The following RBM28 variants were observed in gnomAD, a reference collection of about 807,000 sequenced individuals.
The protein encoded by RBM28 is RNA-binding protein 28.
Under a neutral mutation model 98.3 loss-of-function variants are expected in RBM28, and 78 were observed. The ratio of observed to expected loss-of-function variants is 0.79; its 90% CI spans 0.66 to 0.96. The LOEUF is 0.96. Among genes scored for constraint, RBM28 ranks in the 40% least tolerant of loss-of-function variants. RBM28 has a pLI of 0.00. For synonymous variants in RBM28, 306 were observed against 330.9 expected (o/e 0.92, Z 0.82); for missense variants, 838 against 913.0 (o/e 0.92, Z 1.06).
chr7:128,341,124 A>G, intron 1 of RBM28: 1 of 1,281,934 alleles, frequency 7.8e-7, no homozygotes, highest in Non-Finnish European at 1.0e-6. Context: ...TTACCTGAAA[A>G]GGACACATAG....
intron 2 of RBM28, 31 bp downstream of exon 2, chr7:128,339,602 G>GA (rs780624406): frequency 6.2e-7 from 1 of 1,608,090 alleles, no homozygotes; most frequent in East Asian, 2.2e-5. Context: ...CACCCTGGGA[G>GA]AAAAACTTCC....
chr7:128,305,716 G>A lies in RBM28; in HGVS notation c.*5081C>T, dbSNP rs1318621846. On this transcript the variant is annotated 3_prime_UTR_variant, in exon 19 of 19. Coordinates refer to ENST00000223073, the MANE Select transcript of RBM28 (RefSeq NM_018077.3). ...GACTGGGAGTCCCTTGGGTAGCGGG[G>A]GACAGGAATGGGATTGGCTTTGGCC... 6.6e-6 allele frequency: 1 copy of A among 152,254 alleles called. No homozygotes were observed. The highest frequency in any genetic ancestry group is 1.5e-5 in the Non-Finnish European group (1 of 68,100). The allele number at this position is 152,254 out of a possible 1,614,324, so 9.4% of individuals were successfully genotyped here. A position where few individuals can be genotyped will look rare whatever the true frequency, so the allele number is the denominator to read the frequency against.
At position 128,333,323 on chromosome 7, in the gene RBM28, G is replaced by A. The variant is rs1447242295; in HGVS notation, c.986C>T (p.Ser329Phe). The change falls in exon 9 of 19, where the codon TCT (serine) becomes TTT (phenylalanine). Residue 329 changes from serine (S) to phenylalanine (F), a missense_variant. Transcript: ENST00000223073. Reference protein sequence around the residue: ...VSNKKKRKLPSDVNEGKTVFI... With the variant: ...VSNKKKRKLPFDVNEGKTVFI... ...AACAGTTTTCCCTTCATTCACATCA[G>A]AGGGTAATTTCCTCTTCTTTTTGTT... The A allele has an allele frequency of 6.2e-7, 1 of 1,606,362 alleles. No homozygotes were observed. Among genetic ancestry groups the A allele is most frequent in the South Asian group, 1.1e-5 (1 of 90,930 alleles).
In RBM28 at chr7:128,299,322, G is replaced by A. The variant is rs1385781889; in HGVS notation, c.*11475C>T. The A allele has an allele frequency of 6.6e-6, 1 of 152,234 alleles. No individual in the cohort carries two copies. Among genetic ancestry groups the A allele is most frequent in the Non-Finnish European group, 1.5e-5 (1 of 68,056 alleles). The allele number at this position is 152,234 out of a possible 1,614,324, so 9.4% of individuals were successfully genotyped here. On this transcript the variant is annotated 3_prime_UTR_variant, in exon 19 of 19. Transcript: ENST00000223073. ...CTGGCTATAGGGATTGTCCCTAGTT[G>A]TCCCATGCCTGGCCCTGGAGTGATT...
chr7:128,327,714 G>T (rs951011811), intron 10 of RBM28, among the ~76,000 whole-genome samples: 1 of 151,968 alleles, frequency 6.6e-6, no homozygotes, highest in African/African-American at 2.4e-5. Context: ...TGGTCAAGCT[G>T]GTCTCGAACT....
Position 128,339,313 on chromosome 7 carries a change from C to G in RBM28, c.286G>C (p.Glu96Gln). 6.2e-7 allele frequency: 1 copy of G among 1,609,416 alleles called. No individual in the cohort carries two copies. Among genetic ancestry groups the G allele is most frequent in the Non-Finnish European group, 8.5e-7 (1 of 1,176,678 alleles). ...GCCTTCGGCTCCTTCTTTGGGCACT[C>G]TGAGTTTTCTAAAAAATAAGAGGTA... Reference protein sequence around the residue: ...TKEKGKNENSECPKKEPKAKK... With the variant: ...TKEKGKNENSQCPKKEPKAKK... Residue 96 changes from glutamate to glutamine, a missense_variant, in exon 3 of 19, where the codon GAG (glutamate) becomes CAG (glutamine). Coordinates refer to ENST00000223073, the MANE Select transcript of RBM28 (RefSeq NM_018077.3).
chr7:128,339,729 C>A lies in RBM28; in HGVS notation c.181G>T (p.Ala61Ser), dbSNP rs772998121. Residue 61 changes from alanine (A) to serine (S), a missense_variant, in exon 2 of 19, where the codon GCC (alanine) becomes TCC (serine). Transcript: ENST00000223073. ...TCAAAGGTGGTAATCTCCTTGAGGG[C>A]CCTCTGAACATCTTCCAGCATTGAA... is the stretch of plus-strand genomic sequence containing the variant. ...TFSMLEDVQR[A>S]LKEITTFEGC... 1 of 1,613,770 alleles carries A rather than the reference C, an allele frequency of 6.2e-7. No individual in the cohort carries two copies. The highest frequency in any genetic ancestry group is 8.5e-7 in the Non-Finnish European group (1 of 1,179,728).
At chr7:128,340,232 T>C (rs1012243628) in intron 1 of RBM28, among the ~76,000 whole-genome samples, 3 of 152,198 alleles carry the variant, frequency 2.0e-5, no homozygotes, top group African/African-American at 7.2e-5. Context: ...GTAGCAGTAT[T>C]GAAAGGTGGA....
rs943772664 is a variant in RBM28 at position 128,307,858 on chromosome 7, G to C, written c.*2939C>G. 32 of 152,112 alleles carry C rather than the reference G, an allele frequency of 2.1e-4. No homozygotes were observed. The highest frequency in any genetic ancestry group is 7.0e-4 in the African/African-American group (29 of 41,412). The allele number at this position is 152,112 out of a possible 1,614,324, so 9.4% of individuals were successfully genotyped here. A position where few individuals can be genotyped will look rare whatever the true frequency, so the allele number is the denominator to read the frequency against. On this transcript the variant is annotated 3_prime_UTR_variant, in exon 19 of 19. Transcript: ENST00000223073. ...ATAGAGATGGGGGTCTCACTATGTT[G>C]GCCAGGTCGGTCTCAAACTCCTGAC...
chr7:128,326,302 CAA>C (rs773183550), intron 10 of RBM28, among the ~76,000 whole-genome samples: 10 of 51,228 alleles, frequency 2.0e-4, no homozygotes, highest in Non-Finnish European at 1.6e-4. Flanking sequence ...GACTCCGTCT[CAA>C]AAAAAAAAAA....
intron 14 of RBM28, 87 bp downstream of exon 14, chr7:128,321,179 A>T: frequency 6.4e-7 from 1 of 1,568,112 alleles, no homozygotes; most frequent in Non-Finnish European, 8.7e-7. Context: ...ACAAACAAAC[A>T]AAATCTGGCA....
intron 18 of RBM28, 61 bp downstream of exon 18, chr7:128,313,114 A>G: frequency 6.5e-7 from 1 of 1,531,042 alleles, no homozygotes; most frequent in Non-Finnish European, 9.1e-7. Context: ...CCAAGGTACA[A>G]ACATGGCTAC....
rs1796580082 is a variant in RBM28 at position 128,335,627 on chromosome 7, T to C, written c.862A>G (p.Ser288Gly). The C allele has an allele frequency of 1.2e-6, 2 of 1,614,220 alleles. No individual in the cohort carries two copies. Among genetic ancestry groups the C allele is most frequent in the African/African-American group, 1.3e-5 (1 of 75,068 alleles). ...ATACTATCGCTTTCCTCTAGGTCAC[T>C]GTCCTCCTCAGAATGATCACTGCTT... ...AKSSDHSEEDSDLEESDSIDD... is the reference protein window; with the variant it reads ...AKSSDHSEEDGDLEESDSIDD... Residue 288 changes from serine (S) to glycine (G), a missense_variant, in exon 8 of 19, where the codon AGT (serine) becomes GGT (glycine). By Grantham distance (56) the Ser-to-Gly change is moderately conservative (BLOSUM62 0). Coordinates refer to ENST00000223073, the MANE Select transcript of RBM28 (RefSeq NM_018077.3).
At chr7:128,313,334 T>A (rs1333356057) in intron 17 of RBM28, 60 bp from the exon 18 acceptor site, 1 of 1,505,020 alleles carries the variant, frequency 6.6e-7, no homozygotes, top group African/African-American at 1.4e-5. Flanking sequence ...ACCCCTAGGT[T>A]CTCTTTGTAC....
At chr7:128,339,896 G>T in intron 1 of RBM28, 105 bp from the exon 2 acceptor site, 1 of 1,312,548 alleles carries the variant, frequency 7.6e-7, no homozygotes, top group Non-Finnish European at 1.1e-6. Flanking sequence ...TAAGCTAGAG[G>T]ATATACTGCC....
At chr7:128,320,729 T>C (rs1173912916) in intron 14 of RBM28, among the ~76,000 whole-genome samples, 2 of 152,242 alleles carry the variant, frequency 1.3e-5, no homozygotes, top group East Asian at 1.9e-4. Flanking sequence ...AATAAATGCT[T>C]GCTAAATTAA....
chr7:128,315,546 T>C (rs1338887491), intron 16 of RBM28, among the ~76,000 whole-genome samples: 1 of 152,200 alleles, frequency 6.6e-6, no homozygotes, highest in Non-Finnish European at 1.5e-5. Context: ...AAATTTTACC[T>C]ATAGAGGAAC....
intron 11 of RBM28, among the ~76,000 whole-genome samples, chr7:128,325,318 G>A (rs1263943918): frequency 1.3e-5 from 2 of 152,204 alleles, no homozygotes. Flanking sequence ...TCTGTAACCA[G>A]GCAAATGTCT....
Position 128,325,812 on chromosome 7 carries a change from C to T in RBM28, c.1203+6G>A. 1 of 1,610,526 alleles carries T rather than the reference C, an allele frequency of 6.2e-7. No homozygotes were observed. The highest frequency in any genetic ancestry group is 8.5e-7 in the Non-Finnish European group (1 of 1,177,086). ...TGTTATAAGGTAAAGGAAATATCTT[C>T]CTTACCTCATTCTCTGGAGAAGCAG... On this transcript the variant is annotated splice_donor_region_variant and intron_variant, in intron 11 of 18. Coordinates refer to ENST00000223073, the MANE Select transcript of RBM28 (RefSeq NM_018077.3).
Sources: gnomAD v4.1 joint callset for allele counts (sites outside exome capture counted in the v4.1 genomes callset) on GRCh38, gnomAD v4.1.1 for gene constraint, MANE v1.5 for transcripts, NCBI Gene and HGNC (gene_info 2026-07-23, HGNC 2026-07-21) for gene names.